Variants in CD8A observed in about 807,000 individuals in gnomAD.
CD8A encodes the protein T-cell surface glycoprotein CD8 alpha chain.
CD8A carries 25 observed loss-of-function variants against 24.2 expected under a neutral mutation model. That is an observed-to-expected ratio of 1.03 (90% CI 0.75 to 1.44). The LOEUF (loss-of-function observed/expected upper bound fraction) is 1.44. Ranked by LOEUF, CD8A falls within the 40% of genes most tolerant of loss-of-function variation. CD8A has a pLI of 0.00. For missense variants in CD8A, 360 were observed against 319.7 expected (o/e 1.13, Z -0.96); for synonymous variants, 165 against 149.9 (o/e 1.10, Z -0.74).
chr2:86,788,320 C>T (rs1673109255), intron 5 of CD8A, among the ~76,000 whole-genome samples: 1 of 150,184 alleles, frequency 6.7e-6, no homozygotes, highest in Non-Finnish European at 1.5e-5. Context: ...CTGTTGGCAC[C>T]CGCCTAACCC....
intron 2 of CD8A, among the ~76,000 whole-genome samples, chr2:86,804,167 T>C (rs1573471717): frequency 1.3e-5 from 2 of 152,224 alleles, no homozygotes; most frequent in South Asian, 4.1e-4. Context: ...CATGATGTTG[T>C]ATATACCTTA....
At chr2:86,806,151 T>C (rs908329021) in intron 2 of CD8A, among the ~76,000 whole-genome samples, 14 of 152,194 alleles carry the variant, frequency 9.2e-5, no homozygotes, top group African/African-American at 3.4e-4. Context: ...ACTCCCACGT[T>C]ATGCAAACGG....
Position 86,784,910 on chromosome 2 carries a change from A to G in CD8A, c.*1010T>C. 2.2e-6 allele frequency: 1 copy of G among 454,112 alleles called. No individual in the cohort carries two copies. 28.1% of individuals were successfully genotyped at this position (454,112 alleles called of 1,614,324 possible). Reference sequence around the variant, plus strand: ...AGTTTGGGCTCTCAGCCTCCTTAAGAGAGTCAGGTCTGCCTCATCCCTGTA... The same window carrying G: ...AGTTTGGGCTCTCAGCCTCCTTAAGGGAGTCAGGTCTGCCTCATCCCTGTA... On this transcript the variant is annotated 3_prime_UTR_variant, in exon 6 of 6. Coordinates refer to ENST00000283635, the MANE Select transcript of CD8A (RefSeq NM_001768.7).
Position 86,788,526 on chromosome 2 carries a change from T to A in CD8A, c.656+4A>T. On this transcript the variant is annotated splice_donor_region_variant and intron_variant, in intron 5 of 5. Transcript: ENST00000283635. The stretch of plus-strand genomic sequence containing the variant: ...TGAGCAGGCTGAGTTCAAAAGAGAC[T>A]CACCGGGGACATTTGCAAACACGTC... The A allele has an allele frequency of 6.2e-7, 1 of 1,612,596 alleles. No homozygotes were observed.
In CD8A at chr2:86,789,439, G is replaced by T. The variant is rs139743836; in HGVS notation, c.515-6C>A. ...GTCCAGCCCCCTCGTGTGCACTGAC[G>T]ACACCAAAGACGCCGACATTTAGGA... On this transcript the variant is annotated splice_region_variant and splice_polypyrimidine_tract_variant and intron_variant, in intron 3 of 5. Transcript: ENST00000283635. 1 of 1,600,680 alleles carries T rather than the reference G, an allele frequency of 6.2e-7. No homozygotes were observed. The highest frequency in any genetic ancestry group is 8.6e-7 in the Non-Finnish European group (1 of 1,167,640).
In CD8A at chr2:86,790,136, A is replaced by G. The variant is rs556495575; in HGVS notation, c.403+192T>C. ...CCGAACTCGAGTCCAGATCGGCCGG[A>G]CGTAAAAAGCCATCCCCAGTCCCTA... On this transcript the variant is annotated intron_variant, in intron 2 of 5. Coordinates refer to ENST00000283635, the MANE Select transcript of CD8A (RefSeq NM_001768.7). Among the ~76,000 whole-genome samples, 7 of 152,318 alleles carry G rather than the reference A, an allele frequency of 4.6e-5. No homozygotes were observed. The East Asian group carries it at 1.2e-3, about 25-fold the overall frequency.
intron 2 of CD8A, among the ~76,000 whole-genome samples, chr2:86,801,898 TAA>T: frequency 6.6e-6 from 1 of 152,298 alleles, no homozygotes; most frequent in South Asian, 2.1e-4. Context: ...TCCATTTCAT[TAA>T]GAGCTGAATT....
intron 3 of CD8A, among the ~76,000 whole-genome samples, chr2:86,797,690 TAAA>T (rs145744721): frequency 1.3e-5 from 2 of 151,928 alleles, no homozygotes; most frequent in Admixed American, 1.3e-4. Flanking sequence ...TTCACTTTTT[TAAA>T]AAAAAGTTTT....
rs1220696160 is a variant in CD8A, at chr2:86,789,337, A to G, written c.611T>C (p.Leu204Pro). The change falls in exon 4 of 6, where the codon CTT becomes CCT. Residue 204 changes from leucine (L) to proline (P), a missense_variant. By Grantham distance (98) the Leu-to-Pro change is moderately conservative (BLOSUM62 -3). Transcript: ENST00000283635. ...TCGGGACTTACTGTGGTTGCAGTAA[A>G]GGGTGATAACCAGTGACAGGAGAAG... Reference protein sequence around the residue: ...GVLLLSLVITLYCNHRNRRRV... With the variant: ...GVLLLSLVITPYCNHRNRRRV... The G allele has an allele frequency of 1.2e-6, 2 of 1,607,612 alleles. No homozygotes were observed. The highest frequency in any genetic ancestry group is 1.7e-6 in the Non-Finnish European group (2 of 1,173,998).
Position 86,788,533 on chromosome 2 carries a change from G to C in CD8A, c.653C>G (p.Pro218Arg), listed in dbSNP as rs776115744. The change falls in exon 5 of 6, where the codon CCC (proline) becomes CGC (arginine). Residue 218 changes from proline (P) to arginine (R), a missense_variant. Physicochemically the swap from Pro to Arg is moderately radical, Grantham distance 103. Coordinates refer to ENST00000283635, the MANE Select transcript of CD8A (RefSeq NM_001768.7). ...HRNRRRVCKC[P>R]RPVVKSGDKP... ...GCTGAGTTCAAAAGAGACTCACCGG[G>C]GACATTTGCAAACACGTCTTCGGTT... is the stretch of plus-strand genomic sequence containing the variant. 1.2e-6 allele frequency: 2 copies of C among 1,613,004 alleles called. No individual in the cohort carries two copies. Among genetic ancestry groups the C allele is most frequent in the Admixed American group, 1.7e-5 (1 of 59,956 alleles).
chr2:86,789,472 C>G (rs1472971251), intron 3 of CD8A, 39 bp from the exon 4 acceptor site: 2 of 1,509,968 alleles, frequency 1.3e-6, no homozygotes, highest in Non-Finnish European at 1.8e-6. Context: ...GGAGAGGGCC[C>G]GGGACCTCCC....
chr2:86,798,405 C>A (rs1036541179), intron 3 of CD8A, among the ~76,000 whole-genome samples: 1 of 152,088 alleles, frequency 6.6e-6, no homozygotes, highest in African/African-American at 2.4e-5. Flanking sequence ...GAACTCCCAA[C>A]CTCAGGTGAT....
In CD8A at chr2:86,785,172, A is replaced by G. The variant is rs980848821; in HGVS notation, c.*748T>C. ...TGGGAGAGCAATTCCGCCTCCACATAGGGGTTTCACAGAGATTTTCTTTAG... is the reference window on the plus strand; with the variant it reads ...TGGGAGAGCAATTCCGCCTCCACATGGGGGTTTCACAGAGATTTTCTTTAG... On this transcript the variant is annotated 3_prime_UTR_variant, in exon 6 of 6. Coordinates refer to ENST00000283635, the MANE Select transcript of CD8A (RefSeq NM_001768.7). 1 of 453,830 alleles carries G rather than the reference A, an allele frequency of 2.2e-6. No individual in the cohort carries two copies. The highest frequency in any genetic ancestry group is 4.4e-6 in the Non-Finnish European group (1 of 226,772). 28.1% of individuals were successfully genotyped at this position (453,830 alleles called of 1,614,324 possible). A position where few individuals can be genotyped will look rare whatever the true frequency, so the allele number is the denominator to read the frequency against.
Position 86,790,353 on chromosome 2 carries a change from G to C in CD8A, c.378C>G (p.Ser126Arg), listed in dbSNP as rs1043983555. The change falls in exon 2 of 6, where the codon AGC becomes AGG. Residue 126 changes from serine (S) to arginine (R), a missense_variant. Physicochemically the swap from Ser to Arg is moderately radical, Grantham distance 110. Transcript: ENST00000283635. ...CTGGCAGGAAGACCGGCACGAAGTG[G>C]CTGAAGTACATGATGGAGTTGCTCA... ...SALSNSIMYF[S>R]HFVPVFLPAK... The C allele has an allele frequency of 4.3e-6, 7 of 1,613,930 alleles. No homozygotes were observed. The highest frequency in any genetic ancestry group is 5.9e-6 in the Non-Finnish European group (7 of 1,179,880).
At chr2:86,802,062 G>C (rs1312131778) in intron 2 of CD8A, among the ~76,000 whole-genome samples, 1 of 152,134 alleles carries the variant, frequency 6.6e-6, no homozygotes, top group Non-Finnish European at 1.5e-5. Flanking sequence ...TTTAGAGACA[G>C]AGCATTCTTC....
At chr2:86,798,411 G>T (rs1199105511) in intron 3 of CD8A, among the ~76,000 whole-genome samples, 2 of 152,136 alleles carry the variant, frequency 1.3e-5, no homozygotes, top group African/African-American at 4.8e-5. Flanking sequence ...CCAACCTCAG[G>T]TGATCCACCT....
At position 86,790,776 on chromosome 2, in the gene CD8A, C is replaced by G; in HGVS notation, c.49+1G>C. The G allele has an allele frequency of 6.5e-7, 1 of 1,527,060 alleles. No homozygotes were observed. The allele number at this position is 1,527,060 out of a possible 1,614,324, so 94.6% of individuals were successfully genotyped here. On this transcript the variant is annotated splice_donor_variant, in intron 1 of 5. Transcript: ENST00000283635. LOFTEE classifies it high-confidence loss of function. ...TGCCTTCCCGGGCGTCTCAAACTCA[C>G]GGAGCAGCAAGGCCAGCGGCAGGAG...
In CD8A at chr2:86,790,541, C is replaced by CG. The variant is rs1249248963; in HGVS notation, c.189dup (p.Ala64ArgfsTer119). The CG allele has an allele frequency of 4.3e-6, 7 of 1,613,228 alleles. No individual in the cohort carries two copies. Among genetic ancestry groups the CG allele is most frequent in the African/African-American group, 2.7e-5 (2 of 74,942 alleles). ...TATAGGAGGAAGGTGGGACTGGCGG[C>CG]GGCGCCGCGCGGCTGGAAGAGCCAC... On this transcript the variant is annotated frameshift_variant, in exon 2 of 6. Transcript: ENST00000283635. LOFTEE classifies it high-confidence loss of function.
At chr2:86,798,411 G>GTGA (rs1476241904) in intron 3 of CD8A, among the ~76,000 whole-genome samples, 1 of 152,136 alleles carries the variant, frequency 6.6e-6, no homozygotes, top group African/African-American at 2.4e-5. Flanking sequence ...CCAACCTCAG[G>GTGA]TGATCCACCT....
Sources: gnomAD v4.1 joint callset for allele counts (sites outside exome capture counted in the v4.1 genomes callset) on GRCh38, gnomAD v4.1.1 for gene constraint, MANE v1.5 for transcripts, NCBI Gene and HGNC (gene_info 2026-07-23, HGNC 2026-07-21) for gene names.